The following FSTL5 variants were observed in gnomAD, a reference collection of about 807,000 sequenced individuals.
FSTL5 encodes the protein follistatin-related protein 5.
A neutral mutation model predicts 89.1 loss-of-function variants in FSTL5; 62 were observed. The observed-to-expected ratio is 0.70, with a 90% CI of 0.57 to 0.86. FSTL5 has a LOEUF of 0.86. FSTL5 is among the 40% of genes least tolerant of loss of function. The probability of loss-of-function intolerance (pLI) is 0.00; values close to 1 mark genes in which losing one functional copy is unlikely to be tolerated. For missense variants in FSTL5, 1,057 were observed against 1,001.6 expected (o/e 1.06, Z -0.75); for synonymous variants, 383 against 346.2 (o/e 1.11, Z -1.18).
intron 8 of FSTL5, among the ~76,000 whole-genome samples, chr4:161,577,302 G>C (rs1733252300): frequency 6.6e-6 from 1 of 151,866 alleles, no homozygotes; most frequent in East Asian, 1.9e-4. Flanking sequence ...ACAACTTTAA[G>C]GCCTTTAAGA....
chr4:161,921,187 A>T lies in FSTL5; in HGVS notation c.161-535T>A, dbSNP rs369548395. On this transcript the variant is annotated intron_variant, in intron 3 of 15. Coordinates refer to ENST00000306100, the MANE Select transcript of FSTL5 (RefSeq NM_020116.5). ...GTAATGTATGCATACAAGGCAGAAA[A>T]TGTTAAGAAGACAGGAGTGGAAAAT... is the stretch of plus-strand genomic sequence containing the variant. Among the ~76,000 whole-genome samples, 44 of 152,308 alleles carry T rather than the reference A, an allele frequency of 2.9e-4. 1 individual carries two copies. In the East Asian group the frequency reaches 8.3e-3, roughly 29 times the overall value.
intron 4 of FSTL5, among the ~76,000 whole-genome samples, chr4:161,885,966 A>G (rs1732794315): frequency 6.6e-6 from 1 of 152,136 alleles, no homozygotes; most frequent in Non-Finnish European, 1.5e-5. Flanking sequence ...GACTTAACTG[A>G]CAGCAGACTT....
At chr4:162,073,763 T>G (rs935117111) in intron 2 of FSTL5, among the ~76,000 whole-genome samples, 1 of 151,764 alleles carries the variant, frequency 6.6e-6, no homozygotes, top group African/African-American at 2.4e-5. Flanking sequence ...CATATGAAAT[T>G]GAATATTCTT....
chr4:161,707,799 A>G (rs1738632231), intron 6 of FSTL5, among the ~76,000 whole-genome samples: 1 of 151,952 alleles, frequency 6.6e-6, no homozygotes, highest in African/African-American at 2.4e-5. Context: ...ACAGAAGAAA[A>G]CAAAACTAAC....
intron 2 of FSTL5, among the ~76,000 whole-genome samples, chr4:162,090,708 C>G (rs1730515963): frequency 6.6e-6 from 1 of 151,964 alleles, no homozygotes; most frequent in African/African-American, 2.4e-5. Flanking sequence ...GTAATCCCAA[C>G]TACTTGGGTG....
chr4:161,898,156 T>C (rs1434438195), intron 4 of FSTL5, among the ~76,000 whole-genome samples: 1 of 148,554 alleles, frequency 6.7e-6, no homozygotes, highest in Admixed American at 6.7e-5. Flanking sequence ...CAATATACCA[T>C]AGGTATATTG....
At chr4:161,508,882 T>C (rs537747492) in intron 11 of FSTL5, among the ~76,000 whole-genome samples, 47 of 152,168 alleles carry the variant, frequency 3.1e-4, no homozygotes, top group Non-Finnish European at 6.0e-4. Flanking sequence ...TTCCCAGCAA[T>C]TAACCGTCAA....
intron 1 of FSTL5, among the ~76,000 whole-genome samples, chr4:162,155,770 A>T (rs915783735): frequency 2.0e-5 from 3 of 152,206 alleles, no homozygotes; most frequent in Admixed American, 1.3e-4. Flanking sequence ...ATACAGAGGT[A>T]AGGAACTATG....
At chr4:161,992,114 A>G (rs1736128970) in intron 3 of FSTL5, among the ~76,000 whole-genome samples, 1 of 152,206 alleles carries the variant, frequency 6.6e-6, no homozygotes, top group Non-Finnish European at 1.5e-5. Flanking sequence ...GCAGGAACAT[A>G]TCCTGCAGAA....
intron 4 of FSTL5, among the ~76,000 whole-genome samples, chr4:161,801,984 G>T (rs1386771512): frequency 6.6e-6 from 1 of 151,672 alleles, no homozygotes. Flanking sequence ...TGATACTCAA[G>T]CCATGACAGT....
chr4:162,068,854 AC>A (rs1294340721), intron 2 of FSTL5, among the ~76,000 whole-genome samples: 3 of 152,208 alleles, frequency 2.0e-5, no homozygotes, highest in East Asian at 1.9e-4. Flanking sequence ...AGGAAAACAA[AC>A]AAACAACCCC....
At chr4:162,069,248 T>C (rs1729495129) in intron 2 of FSTL5, among the ~76,000 whole-genome samples, 1 of 152,048 alleles carries the variant, frequency 6.6e-6, no homozygotes, top group Admixed American at 6.6e-5. Flanking sequence ...AATTTCCTTT[T>C]AATTATTTTT....
At chr4:161,879,805 T>C (rs1005072653) in intron 4 of FSTL5, among the ~76,000 whole-genome samples, 2 of 152,188 alleles carry the variant, frequency 1.3e-5, no homozygotes, top group African/African-American at 4.8e-5. Context: ...CCTGGGACAC[T>C]TCCCTATCAC....
chr4:162,118,741 A>G (rs1199752682), intron 1 of FSTL5, among the ~76,000 whole-genome samples: 2 of 152,190 alleles, frequency 1.3e-5, no homozygotes, highest in Non-Finnish European at 2.9e-5. Context: ...TCCATAAAGA[A>G]GAGCAAGAAA....
At chr4:162,003,101 A>T (rs965685900) in intron 3 of FSTL5, among the ~76,000 whole-genome samples, 1 of 152,130 alleles carries the variant, frequency 6.6e-6, no homozygotes, top group East Asian at 1.9e-4. Flanking sequence ...CCGAGATCGC[A>T]CCACTGTGCT....
chr4:161,995,195 T>C (rs1428601982), intron 3 of FSTL5, among the ~76,000 whole-genome samples: 1 of 152,180 alleles, frequency 6.6e-6, no homozygotes, highest in Non-Finnish European at 1.5e-5. Context: ...AGTTAAAAAA[T>C]GATAATGTTA....
At chr4:162,020,681 T>C (rs1488699113) in intron 3 of FSTL5, among the ~76,000 whole-genome samples, 1 of 152,046 alleles carries the variant, frequency 6.6e-6, no homozygotes, top group African/African-American at 2.4e-5. Context: ...ATGGCATAAT[T>C]ATTTGACTCT....
intron 6 of FSTL5, among the ~76,000 whole-genome samples, chr4:161,757,700 C>G (rs1740626861): frequency 6.6e-6 from 1 of 152,172 alleles, no homozygotes; most frequent in South Asian, 2.1e-4. Flanking sequence ...CTCACTTCAA[C>G]CTTTGCCTCC....
At chr4:161,888,061 C>A (rs990017526) in intron 4 of FSTL5, among the ~76,000 whole-genome samples, 8 of 86,552 alleles carry the variant, frequency 9.2e-5, no homozygotes, top group African/African-American at 2.8e-4. Context: ...TTATAAAGGC[C>A]TCTTCCCTTT....
Sources: gnomAD v4.1 joint callset for allele counts (sites outside exome capture counted in the v4.1 genomes callset) on GRCh38, gnomAD v4.1.1 for gene constraint, MANE v1.5 for transcripts, NCBI Gene and HGNC (gene_info 2026-07-23, HGNC 2026-07-21) for gene names.